Variants in CSRP2 observed in about 807,000 individuals in gnomAD.
CSRP2 encodes cysteine and glycine-rich protein 2.
Under a neutral mutation model 24.6 loss-of-function variants are expected in CSRP2, and 18 were observed. The observed-to-expected ratio is 0.73, with a 90% CI of 0.51 to 1.09. The LOEUF (loss-of-function observed/expected upper bound fraction) is 1.09. CSRP2 is among the 50% of genes least tolerant of loss of function. The pLI, the probability that CSRP2 is intolerant of heterozygous loss-of-function variation, is 0.00. For missense variants in CSRP2, 215 were observed against 239.4 expected (o/e 0.90, Z 0.67); for synonymous variants, 87 against 84.3 (o/e 1.03, Z -0.18).
intron 3 of CSRP2, 80 bp downstream of exon 3, chr12:76,863,096 G>T: frequency 1.3e-6 from 2 of 1,509,298 alleles, no homozygotes; most frequent in Non-Finnish European, 8.9e-7. Context: ...AAAATCTGGA[G>T]ACTGCCAGGT....
intron 1 of CSRP2, among the ~76,000 whole-genome samples, chr12:76,872,133 T>C (rs1228837857): frequency 6.6e-6 from 1 of 152,234 alleles, no homozygotes; most frequent in African/African-American, 2.4e-5. Flanking sequence ...TGTTTTTCAG[T>C]GTCTGAAAGA....
At chr12:76,876,223 T>C (rs1164520939) in intron 1 of CSRP2, among the ~76,000 whole-genome samples, 2 of 152,230 alleles carry the variant, frequency 1.3e-5, no homozygotes, top group Admixed American at 6.5e-5. Flanking sequence ...TCTGTTCTTA[T>C]TAGTCGAAGA....
At chr12:76,859,702 G>A (rs930653150) in intron 4 of CSRP2, 62 bp from the exon 5 acceptor site, 7 of 1,267,152 alleles carry the variant, frequency 5.5e-6, no homozygotes, top group Non-Finnish European at 7.8e-6. Context: ...CAATTTAGAT[G>A]TATGGCAAGA....
In CSRP2 at chr12:76,860,177, G is replaced by A. The variant is rs1953660951; in HGVS notation, c.411+107C>T. On this transcript the variant is annotated intron_variant, in intron 4 of 5. Coordinates refer to ENST00000311083, the MANE Select transcript of CSRP2 (RefSeq NM_001321.3). Reference sequence around the variant, plus strand: ...GCATTTAAAGAAAAGTTTCATATAAGACAGTGATTTGTAAGACATCACCCA... The same window carrying A: ...GCATTTAAAGAAAAGTTTCATATAAAACAGTGATTTGTAAGACATCACCCA... The A allele has an allele frequency of 3.6e-5, 44 of 1,210,646 alleles. 2 individuals are homozygous for A. The South Asian group carries it at 7.4e-4, about 20-fold the overall frequency. The allele number at this position is 1,210,646 out of a possible 1,614,324, so 75.0% of individuals were successfully genotyped here. A position where few individuals can be genotyped will look rare whatever the true frequency, so the allele number is the denominator to read the frequency against.
intron 4 of CSRP2, 106 bp downstream of exon 4, chr12:76,860,178 A>C (rs1251000311): frequency 5.7e-6 from 7 of 1,222,714 alleles, no homozygotes; most frequent in Non-Finnish European, 5.6e-6. Context: ...TTCATATAAG[A>C]CAGTGATTTG....
Position 76,858,796 on chromosome 12 carries a change from G to A in CSRP2, c.*156C>T. On this transcript the variant is annotated 3_prime_UTR_variant, in exon 6 of 6. Coordinates refer to ENST00000311083, the MANE Select transcript of CSRP2 (RefSeq NM_001321.3). ...ATAAAGCAAAAGGATACCATACAGT[G>A]CTCTCTTCCTACGAGTTAGCCAGCC... 1.7e-6 allele frequency: 1 copy of A among 592,644 alleles called. No individual in the cohort carries two copies. The highest frequency in any genetic ancestry group is 3.0e-5 in the Admixed American group (1 of 33,774). 36.7% of individuals were successfully genotyped at this position (592,644 alleles called of 1,614,324 possible). A position where few individuals can be genotyped will look rare whatever the true frequency, so the allele number is the denominator to read the frequency against.
intron 1 of CSRP2, chr12:76,878,043 T>C (rs754647528): frequency 6.2e-5 from 8 of 129,154 alleles, no homozygotes; most frequent in Non-Finnish European, 1.2e-4. Flanking sequence ...AGACTGCAAA[T>C]AAAACAGGTT....
intron 4 of CSRP2, 27 bp downstream of exon 4, chr12:76,860,257 T>C (rs1592506603): frequency 6.2e-7 from 1 of 1,608,644 alleles, no homozygotes; most frequent in Non-Finnish European, 8.5e-7. Context: ...AGTCATTTGC[T>C]GTTATTAATT....
rs565629398 is a variant in CSRP2 at position 76,862,646 on chromosome 12, T to C, written c.281+530A>G. On this transcript the variant is annotated intron_variant, in intron 3 of 5. Coordinates refer to ENST00000311083, the MANE Select transcript of CSRP2 (RefSeq NM_001321.3). ...TTCACAAATTTAGCACCTTGATACG[T>C]TGGCAACAAAGCCTTTAAAGTTTAA... 575 of 957,256 alleles carry C rather than the reference T, an allele frequency of 6.0e-4. 6 individuals are homozygous for C. In the South Asian group the frequency reaches 7.9e-3, roughly 13 times the overall value. The allele number at this position is 957,256 out of a possible 1,614,324, so 59.3% of individuals were successfully genotyped here.
At chr12:76,865,771 T>G (rs576590761) in intron 2 of CSRP2, 1 of 168,256 alleles carries the variant, frequency 5.9e-6, no homozygotes, top group East Asian at 1.6e-4. Flanking sequence ...AAGAGAAAGC[T>G]GGGGTGGATG....
intron 2 of CSRP2, 107 bp from the exon 3 acceptor site, chr12:76,863,451 C>G: frequency 8.7e-7 from 1 of 1,148,490 alleles, no homozygotes; most frequent in South Asian, 1.5e-5. Flanking sequence ...CTGAGGCTCC[C>G]TCACATTCCT....
At chr12:76,876,586 C>T (rs1376993710) in intron 1 of CSRP2, among the ~76,000 whole-genome samples, 1 of 152,066 alleles carries the variant, frequency 6.6e-6, no homozygotes, top group Non-Finnish European at 1.5e-5. Context: ...CACAGGAGTG[C>T]CATGATATAA....
intron 1 of CSRP2, among the ~76,000 whole-genome samples, chr12:76,871,583 A>G (rs751755329): frequency 1.1e-4 from 17 of 152,126 alleles, no homozygotes; most frequent in Non-Finnish European, 2.1e-4. Context: ...ATCCTGGCTA[A>G]CACGGTGAAA....
At position 76,858,921 on chromosome 12, in the gene CSRP2, AGT is replaced by A; in HGVS notation, c.*29_*30del. On this transcript the variant is annotated 3_prime_UTR_variant, in exon 6 of 6. Coordinates refer to ENST00000311083, the MANE Select transcript of CSRP2 (RefSeq NM_001321.3). ...GTGCCTAGATTATGAAGAGATTCTC[AGT>A]GTGTGATGTTTAGTTCAGGGTTTAC... is the stretch of plus-strand genomic sequence containing the variant. 6.4e-7 allele frequency: 1 copy of A among 1,562,168 alleles called. No individual in the cohort carries two copies. The highest frequency in any genetic ancestry group is 8.8e-7 in the Non-Finnish European group (1 of 1,132,926).
rs776377567 is a variant in CSRP2 at position 76,858,952 on chromosome 12, T to G, written c.582A>C (p.Ter194TyrextTer11). ...TGATGTTTAGTTCAGGGTTTACATC[T>G]TACTGGGCATGAACAAGAGCCCCTG... ...QGAGALVHAQ[*>Y] The change falls in exon 6 of 6, where the codon TAA (stop) becomes TAC (tyrosine). Residue 194 changes from the stop codon to tyrosine (Y), a stop_lost. Coordinates refer to ENST00000311083, the MANE Select transcript of CSRP2 (RefSeq NM_001321.3). 4.3e-5 allele frequency: 70 copies of G among 1,613,718 alleles called. No homozygotes were observed. Among genetic ancestry groups the G allele is most frequent in the Non-Finnish European group, 6.8e-6 (8 of 1,179,680 alleles).
chr12:76,860,517 C>A, intron 3 of CSRP2, 104 bp from the exon 4 acceptor site: 1 of 1,380,978 alleles, frequency 7.2e-7, no homozygotes, highest in Non-Finnish European at 9.8e-7. Flanking sequence ...GCTACACTGC[C>A]TCAAAGCTGG....
At chr12:76,869,391 C>A (rs1953769244) in intron 1 of CSRP2, among the ~76,000 whole-genome samples, 1 of 152,150 alleles carries the variant, frequency 6.6e-6, no homozygotes, top group African/African-American at 2.4e-5. Context: ...ATAGCAACCC[C>A]CAACTCCAAG....
chr12:76,866,977 C>G (rs149068861), intron 1 of CSRP2, among the ~76,000 whole-genome samples: 37 of 152,268 alleles, frequency 2.4e-4, no homozygotes, highest in East Asian at 1.7e-3. Context: ...GTTGGGTTTT[C>G]CTCTTTGGCA....
intron 1 of CSRP2, among the ~76,000 whole-genome samples, chr12:76,867,062 T>C (rs1352309758): frequency 6.6e-6 from 1 of 152,162 alleles, no homozygotes. Flanking sequence ...CATGCAGGAA[T>C]AGCCTCTGAA....
Sources: gnomAD v4.1 joint callset for allele counts (sites outside exome capture counted in the v4.1 genomes callset) on GRCh38, gnomAD v4.1.1 for gene constraint, MANE v1.5 for transcripts, NCBI Gene and HGNC (gene_info 2026-07-23, HGNC 2026-07-21) for gene names.